The following DIAPH3 variants were observed in gnomAD, a reference collection of about 807,000 sequenced individuals.
DIAPH3 encodes the protein diaphanous related formin 3, also known as protein diaphanous homolog 3.
DIAPH3 carries 117 observed loss-of-function variants against 144.3 expected under a neutral mutation model. That is an observed-to-expected ratio of 0.81 (90% confidence interval 0.70 to 0.95). The LOEUF is 0.95. Among genes scored for constraint, DIAPH3 ranks in the 40% least tolerant of loss-of-function variants. DIAPH3 has a pLI of 0.00. For missense variants in DIAPH3, 1,421 were observed against 1,412.7 expected (o/e 1.01, Z -0.09); for synonymous variants, 519 against 488.9 (o/e 1.06, Z -0.81).
At chr13:60,049,823 A>C (rs1418482674) in intron 4 of DIAPH3, among the ~76,000 whole-genome samples, 1 of 152,176 alleles carries the variant, frequency 6.6e-6, no homozygotes, top group Admixed American at 6.6e-5. Flanking sequence ...AGATAGAATA[A>C]AGAGAGTGAG....
At chr13:59,841,109 CT>C (rs908146541) in intron 22 of DIAPH3, among the ~76,000 whole-genome samples, 3 of 152,074 alleles carry the variant, frequency 2.0e-5, no homozygotes, top group Non-Finnish European at 4.4e-5. Context: ...CCGTTTCCAA[CT>C]TTTTTCTTTG....
At chr13:60,149,708 G>GGC (rs774113459) in intron 1 of DIAPH3, among the ~76,000 whole-genome samples, 1,404 of 139,864 alleles carry the variant, frequency 0.01, 14 homozygotes, top group South Asian at 0.02. Context: ...AGCCATGATT[G>GGC]TACCACTGCA....
chr13:59,981,343 G>A (rs1052144533), intron 13 of DIAPH3, among the ~76,000 whole-genome samples: 2 of 151,250 alleles, frequency 1.3e-5, no homozygotes, highest in African/African-American at 4.8e-5. Context: ...GCCAAGTGTT[G>A]GAGTTGACAT....
chr13:59,788,435 C>T lies in DIAPH3; in HGVS notation c.3164-13612G>A, dbSNP rs2039145626. Among the ~76,000 whole-genome samples, 3 of 152,112 alleles carry T rather than the reference C, an allele frequency of 2.0e-5. No individual in the cohort carries two copies. The South Asian group carries it at 6.2e-4, about 32-fold the overall frequency. ...AGGAGTTTCAGACTAGCCTGGGCAA[C>T]ACAGTGAGACCTCTCCTCTAAAAAA... On this transcript the variant is annotated intron_variant, in intron 25 of 27. Coordinates refer to ENST00000400324, the MANE Select transcript of DIAPH3 (RefSeq NM_001042517.2).
rs375798068 is a variant in DIAPH3, at chr13:59,983,815, G to A, written c.1434C>T (p.Asp478=). 8 of 1,609,936 alleles carry A rather than the reference G, an allele frequency of 5.0e-6. 1 individual carries two copies. The highest frequency in any genetic ancestry group is 6.8e-6 in the Non-Finnish European group (8 of 1,177,242). ...IVLHRDGMDP[D]FTYRKRLDLD... is the part of the protein sequence containing the mutation. ...AATCTAGTCTTTTTCGATATGTGAA[G>A]TCTGGATCCATTCCATCTCTATGCA... The change falls in exon 13 of 28, where the codon GAC becomes GAT. Residue 478 remains aspartate, a synonymous_variant. Coordinates refer to ENST00000400324, the MANE Select transcript of DIAPH3 (RefSeq NM_001042517.2).
At chr13:59,924,642 T>C in intron 18 of DIAPH3, 133 bp downstream of exon 18, 1 of 1,387,572 alleles carries the variant, frequency 7.2e-7, no homozygotes, top group Non-Finnish European at 9.5e-7. Flanking sequence ...AAAGGAGAGT[T>C]ATCTGTGAAT....
chr13:59,868,869 T>C (rs1341443701), intron 21 of DIAPH3, among the ~76,000 whole-genome samples: 3 of 152,206 alleles, frequency 2.0e-5, no homozygotes, highest in African/African-American at 4.8e-5. Flanking sequence ...ACGAATTTAA[T>C]GTTCTTCCAT....
At chr13:60,069,057 C>G (rs781754054) in intron 4 of DIAPH3, among the ~76,000 whole-genome samples, 5 of 152,086 alleles carry the variant, frequency 3.3e-5, no homozygotes, top group Non-Finnish European at 7.4e-5. Context: ...AAGGAAACAC[C>G]ATACTGTTTT....
intron 14 of DIAPH3, among the ~76,000 whole-genome samples, chr13:59,975,858 C>T (rs777687801): frequency 1.3e-5 from 2 of 151,906 alleles, no homozygotes; most frequent in Non-Finnish European, 2.9e-5. Context: ...ACTACCATTC[C>T]CCACAACTAC....
intron 24 of DIAPH3, among the ~76,000 whole-genome samples, chr13:59,814,216 T>C (rs998458721): frequency 5.9e-5 from 9 of 152,210 alleles, no homozygotes; most frequent in African/African-American, 2.2e-4. Flanking sequence ...CTATCAGATA[T>C]AATTGCCACA....
At position 59,916,234 on chromosome 13, in the gene DIAPH3, G is replaced by T. The variant is rs1566511211; in HGVS notation, c.2186C>A (p.Ser729Tyr). 6.2e-7 allele frequency: 1 copy of T among 1,613,164 alleles called. No individual in the cohort carries two copies. The change falls in exon 19 of 28, where the codon TCT becomes TAT. Residue 729 changes from serine (S) to tyrosine (Y), a missense_variant. Physicochemically the swap from Ser to Tyr is moderately radical, Grantham distance 144. Transcript: ENST00000400324. ...GATTTCCTCATATGGCACCCGAAAA[G>T]AGCTCAGGAAGATTGCTAAGAAGGA... ...IAQNLSIFLS[S>Y]FRVPYEEIRM...
intron 4 of DIAPH3, among the ~76,000 whole-genome samples, chr13:60,050,677 C>T (rs2056296113): frequency 6.6e-6 from 1 of 152,124 alleles, no homozygotes; most frequent in Admixed American, 6.6e-5. Flanking sequence ...CTGATAGGAT[C>T]TTATAAACCA....
chr13:60,125,394 A>ATTTTTTTT (rs56267083), intron 2 of DIAPH3, among the ~76,000 whole-genome samples: 1,561 of 97,660 alleles, frequency 0.016, 105 homozygotes, highest in East Asian at 0.097. Context: ...CACCCAGCTA[A>ATTTTTTTT]TTTTTTTTTT....
At chr13:60,154,821 A>G (rs879793252) in intron 1 of DIAPH3, among the ~76,000 whole-genome samples, 1 of 152,242 alleles carries the variant, frequency 6.6e-6, no homozygotes, top group Non-Finnish European at 1.5e-5. Context: ...GAGATAAACA[A>G]GCAAGAGTGT....
intron 22 of DIAPH3, among the ~76,000 whole-genome samples, chr13:59,846,998 G>A (rs911891041): frequency 6.6e-6 from 1 of 152,132 alleles, no homozygotes; most frequent in African/African-American, 2.4e-5. Flanking sequence ...AAGATAGCTT[G>A]AGCCCAGGAA....
At chr13:59,959,507 G>C (rs549907943) in intron 17 of DIAPH3, among the ~76,000 whole-genome samples, 1 of 152,130 alleles carries the variant, frequency 6.6e-6, no homozygotes, top group Non-Finnish European at 1.5e-5. Context: ...ATTTAAGCCC[G>C]TGTGAGTCTT....
At chr13:59,707,151 A>T (rs2138798038) in intron 27 of DIAPH3, among the ~76,000 whole-genome samples, 1 of 152,328 alleles carries the variant, frequency 6.6e-6, no homozygotes, top group South Asian at 2.1e-4. Flanking sequence ...AGCCAGCTAA[A>T]TGCGTTTCTA....
chr13:59,970,680 T>C (rs912043011), intron 16 of DIAPH3, among the ~76,000 whole-genome samples, 172 bp downstream of exon 16: 1 of 151,836 alleles, frequency 6.6e-6, no homozygotes, highest in Non-Finnish European at 1.5e-5. Flanking sequence ...GTCCCAATAC[T>C]TTAAAAAAAA....
chr13:59,918,208 G>GAAAAA (rs571397429), intron 18 of DIAPH3, among the ~76,000 whole-genome samples: 2 of 95,052 alleles, frequency 2.1e-5, no homozygotes, highest in Non-Finnish European at 2.3e-5. Flanking sequence ...GGCAGCACAG[G>GAAAAA]AAAAAAAAAA....
Sources: allele counts gnomAD v4.1 joint callset (sites outside exome capture counted in the v4.1 genomes callset), GRCh38; gene constraint gnomAD v4.1.1; transcripts MANE v1.5; gene names NCBI Gene and HGNC (gene_info 2026-07-23, HGNC 2026-07-21).